The following FNDC3A variants were observed in gnomAD, a reference collection of about 807,000 sequenced individuals.
FNDC3A encodes fibronectin type-III domain-containing protein 3A.
In FNDC3A, 32 loss-of-function variants were observed where a neutral mutation model predicts 148.9. The ratio of observed to expected loss-of-function variants is 0.21; its 90% CI spans 0.16 to 0.29. FNDC3A has a LOEUF of 0.29. Ranked by LOEUF, FNDC3A falls within the 10% of genes least tolerant of loss-of-function variation. The pLI is 1.00. For synonymous variants in FNDC3A, 472 were observed against 473.6 expected (o/e 1.00, Z 0.04); for missense variants, 1,191 against 1,452.8 (o/e 0.82, Z 2.93).
intron 4 of FNDC3A, among the ~76,000 whole-genome samples, chr13:49,128,436 T>C (rs1881835617): frequency 6.6e-6 from 1 of 152,206 alleles, no homozygotes; most frequent in Non-Finnish European, 1.5e-5. Flanking sequence ...TTTGTTGCCC[T>C]CTGTGTTGTA....
chr13:49,030,857 A>AAGT (rs1874060504), intron 2 of FNDC3A, among the ~76,000 whole-genome samples: 1 of 152,220 alleles, frequency 6.6e-6, no homozygotes, highest in South Asian at 2.1e-4. Flanking sequence ...ATTAAGGAAG[A>AAGT]CTTAAACAAG....
intron 3 of FNDC3A, 95 bp from the exon 4 acceptor site, chr13:49,114,560 T>C (rs1390182977): frequency 6.3e-6 from 5 of 796,800 alleles, no homozygotes; most frequent in African/African-American, 1.7e-5. Context: ...GGCTTGAGTG[T>C]TTAGATGAAG....
chr13:49,013,556 A>G (rs1566190594), intron 2 of FNDC3A, among the ~76,000 whole-genome samples: 2 of 151,718 alleles, frequency 1.3e-5, no homozygotes, highest in South Asian at 4.2e-4. Context: ...GTGTATACAT[A>G]TGTACACGTG....
chr13:49,044,070 G>A (rs539786002), intron 2 of FNDC3A: 1 of 171,164 alleles, frequency 5.8e-6, no homozygotes, highest in South Asian at 1.5e-4. Flanking sequence ...TTAGCAGACT[G>A]GTTTCCATAT....
At chr13:49,202,334 G>GGAAATCTGTT (rs1301141268) in intron 24 of FNDC3A, among the ~76,000 whole-genome samples, 7 of 152,202 alleles carry the variant, frequency 4.6e-5, no homozygotes, top group African/African-American at 1.7e-4. Flanking sequence ...TTGGATTTCA[G>GGAAATCTGTT]AAGGAAAGCT....
intron 2 of FNDC3A, among the ~76,000 whole-genome samples, chr13:49,023,940 A>C (rs1873513992): frequency 6.6e-6 from 1 of 151,974 alleles, no homozygotes; most frequent in Admixed American, 6.5e-5. Context: ...AAAGATTACA[A>C]AACCAAAAGT....
chr13:48,999,465 T>G (rs993267891), intron 1 of FNDC3A, among the ~76,000 whole-genome samples: 8 of 152,170 alleles, frequency 5.3e-5, no homozygotes, highest in African/African-American at 1.9e-4. Context: ...CAGGATGAAT[T>G]GTACCTCTAC....
intron 2 of FNDC3A, among the ~76,000 whole-genome samples, chr13:49,035,704 T>C (rs566495273): frequency 1.3e-5 from 2 of 152,234 alleles, no homozygotes; most frequent in African/African-American, 4.8e-5. Flanking sequence ...TACTGATTCA[T>C]CCTTGTATCC....
intron 20 of FNDC3A, 114 bp from the exon 21 acceptor site, chr13:49,197,611 A>G (rs372993678): frequency 1.2e-6 from 1 of 800,884 alleles, no homozygotes; most frequent in Non-Finnish European, 2.0e-6. Context: ...TAAAAGTTTT[A>G]AAGAAACTCA....
At chr13:49,075,412 A>G in intron 3 of FNDC3A, 48 bp downstream of exon 3, 1 of 1,060,322 alleles carries the variant, frequency 9.4e-7, no homozygotes, top group East Asian at 2.4e-5. Context: ...ATAAACCCCA[A>G]AAATTTATGA....
intron 3 of FNDC3A, among the ~76,000 whole-genome samples, chr13:49,095,935 G>T (rs1378311867): frequency 1.3e-5 from 2 of 151,950 alleles, no homozygotes; most frequent in Non-Finnish European, 2.9e-5. Flanking sequence ...ATCTTTCCTG[G>T]TTCCTTTGTT....
chr13:49,131,276 C>T lies in FNDC3A; in HGVS notation c.392C>T (p.Pro131Leu), dbSNP rs1204035796. 4 of 1,613,904 alleles carry T rather than the reference C, an allele frequency of 2.5e-6. No individual in the cohort carries two copies. The highest frequency in any genetic ancestry group is 2.2e-5 in the East Asian group (1 of 44,872). The change falls in exon 5 of 26, where the codon CCT becomes CTT. Residue 131 changes from proline to leucine, a missense_variant. Pro to Leu is a moderately conservative substitution (Grantham distance 98). Around this residue, in one of 3 missense-constraint regions of FNDC3A, gnomAD observed 426 missense variants for 473.2 expected, o/e 0.90. Coordinates refer to ENST00000492622, the MANE Select transcript of FNDC3A (RefSeq NM_001079673.2). ...GFIPVPTMMP[P>L]PPRHMYSPVT... ...ATTCCTGTCCCAACTATGATGCCGC[C>T]TCCACCACGTCATATGTACTCACCC...
chr13:49,031,529 T>C (rs1874119704), intron 2 of FNDC3A, among the ~76,000 whole-genome samples: 1 of 152,162 alleles, frequency 6.6e-6, no homozygotes, highest in Non-Finnish European at 1.5e-5. Flanking sequence ...ATGATTCTGC[T>C]GGGAAAGAAT....
intron 25 of FNDC3A, among the ~76,000 whole-genome samples, chr13:49,205,531 A>G (rs188156549): frequency 1.1e-4 from 17 of 152,258 alleles, no homozygotes; most frequent in Non-Finnish European, 1.9e-4. Flanking sequence ...GGAAATGCTC[A>G]TTGGAGCATT....
chr13:49,201,121 C>A, intron 23 of FNDC3A: 2 of 284,824 alleles, frequency 7.0e-6, no homozygotes, highest in Non-Finnish European at 1.4e-5. Flanking sequence ...CTCTAATTTC[C>A]AAAAATTTTA....
chr13:49,063,184 TAG>T (rs1464109613), intron 2 of FNDC3A, among the ~76,000 whole-genome samples: 2 of 152,298 alleles, frequency 1.3e-5, no homozygotes, highest in East Asian at 3.9e-4. Context: ...GAGAATATAA[TAG>T]AGATGACATT....
At chr13:48,996,482 A>G (rs1333809941) in intron 1 of FNDC3A, among the ~76,000 whole-genome samples, 1 of 152,188 alleles carries the variant, frequency 6.6e-6, no homozygotes, top group South Asian at 2.1e-4. Flanking sequence ...CCTAAACAAT[A>G]CAGTGTCACT....
chr13:49,195,910 T>C (rs1224556749), intron 19 of FNDC3A, among the ~76,000 whole-genome samples: 2 of 151,296 alleles, frequency 1.3e-5, no homozygotes, highest in African/African-American at 4.9e-5. Flanking sequence ...CCTGTCTCTG[T>C]AAAAAGTAGA....
intron 1 of FNDC3A, among the ~76,000 whole-genome samples, chr13:48,977,461 T>A (rs925554866): frequency 1.4e-4 from 22 of 152,240 alleles, no homozygotes; most frequent in African/African-American, 4.8e-4. Context: ...GATCTTATGT[T>A]TGGATAAATA....
Sources: allele counts gnomAD v4.1 joint callset (sites outside exome capture counted in the v4.1 genomes callset), GRCh38; gene constraint gnomAD v4.1.1; regional missense constraint gnomAD v4.1.1; transcripts MANE v1.5; gene names NCBI Gene and HGNC (gene_info 2026-07-23, HGNC 2026-07-21).